LIPC: variants seen among roughly 807,000 people sequenced by gnomAD.
The protein encoded by LIPC is lipase C, hepatic type.
A neutral mutation model predicts 50.7 loss-of-function variants in LIPC; 44 were observed. The observed-to-expected ratio is 0.87, with a 90% CI of 0.68 to 1.11. LIPC has a LOEUF of 1.11. LIPC is among the 50% of genes most tolerant of loss of function. The probability of loss-of-function intolerance (pLI) is 0.00; values close to 1 mark genes in which losing one functional copy is unlikely to be tolerated. For synonymous variants in LIPC, 271 were observed against 256.4 expected (o/e 1.06, Z -0.54); for missense variants, 697 against 648.2 (o/e 1.08, Z -0.82).
intron 1 of LIPC, among the ~76,000 whole-genome samples, chr15:58,468,539 G>A (rs1409670319): frequency 5.9e-5 from 9 of 152,164 alleles, no homozygotes; most frequent in African/African-American, 2.2e-4. Flanking sequence ...CCGCCCACTC[G>A]AGATGGATGG....
At chr15:58,498,365 C>T (rs1307270528) in intron 1 of LIPC, among the ~76,000 whole-genome samples, 1 of 152,122 alleles carries the variant, frequency 6.6e-6, no homozygotes, top group East Asian at 1.9e-4. Flanking sequence ...TGGTCCGAGG[C>T]CCTCACTCTG....
chr15:58,560,283 G>A (rs1894113257), intron 6 of LIPC, among the ~76,000 whole-genome samples: 1 of 152,154 alleles, frequency 6.6e-6, no homozygotes, highest in Non-Finnish European at 1.5e-5. Flanking sequence ...CCAAGTTCTA[G>A]AACTACAGTT....
chr15:58,453,866 C>CA (rs398043355), intron 1 of LIPC, among the ~76,000 whole-genome samples: 17,175 of 120,768 alleles, frequency 0.14, 1,141 homozygotes, highest in Non-Finnish European at 0.19. Flanking sequence ...GACCCTGTCT[C>CA]AAAAAAAAAA....
intron 1 of LIPC, among the ~76,000 whole-genome samples, chr15:58,442,692 A>G (rs1893547344): frequency 1.3e-5 from 2 of 152,230 alleles, no homozygotes; most frequent in Non-Finnish European, 2.9e-5. Context: ...CAGATGGGGA[A>G]ATTGTGGCTC....
At chr15:58,475,844 C>A (rs568778006) in intron 1 of LIPC, among the ~76,000 whole-genome samples, 2 of 152,204 alleles carry the variant, frequency 1.3e-5, no homozygotes, top group Non-Finnish European at 2.9e-5. Context: ...ATTCCATTAA[C>A]AATAAGCACC....
chr15:58,549,159 G>T (rs1308309419), intron 6 of LIPC, among the ~76,000 whole-genome samples: 1 of 152,190 alleles, frequency 6.6e-6, no homozygotes, highest in Non-Finnish European at 1.5e-5. Flanking sequence ...GAAGATTGTA[G>T]AAAGGGCTGT....
intron 1 of LIPC, among the ~76,000 whole-genome samples, chr15:58,508,458 A>G (rs1339647882): frequency 2.0e-5 from 3 of 152,180 alleles, no homozygotes; most frequent in Non-Finnish European, 2.9e-5. Context: ...CGCTGTGGTC[A>G]TTTTGGAGGT....
chr15:58,444,853 G>C (rs560744640), intron 1 of LIPC, among the ~76,000 whole-genome samples: 2 of 152,350 alleles, frequency 1.3e-5, no homozygotes, highest in Admixed American at 1.3e-4. Flanking sequence ...GCTGTGACCC[G>C]GGTCCTGGGC....
At chr15:58,536,097 T>A (rs891542306) in intron 1 of LIPC, among the ~76,000 whole-genome samples, 3 of 152,084 alleles carry the variant, frequency 2.0e-5, no homozygotes. Flanking sequence ...AGGGCAAGTG[T>A]ATTAGGATCA....
In LIPC at chr15:58,560,894, T is replaced by G; in HGVS notation, c.1082T>G (p.Ile361Ser). 7.0e-7 allele frequency: 1 copy of G among 1,426,038 alleles called. No individual in the cohort carries two copies. 88.3% of individuals were successfully genotyped at this position (1,426,038 alleles called of 1,614,324 possible). The stretch of plus-strand genomic sequence containing the variant: ...CATTACCAGTTCAAGATCCAGTTCA[T>G]CAACCAAACTGAGACACCAATACAA... ...VYHYQFKIQFINQTETPIQTT... is the reference protein window; with the variant it reads ...VYHYQFKIQFSNQTETPIQTT... Residue 361 changes from isoleucine to serine, a missense_variant, in exon 7 of 9, where the codon ATC becomes AGC. Transcript: ENST00000299022.
At chr15:58,547,649 G>T (rs1427906402) in intron 5 of LIPC, among the ~76,000 whole-genome samples, 1 of 145,580 alleles carries the variant, frequency 6.9e-6, no homozygotes, top group African/African-American at 2.6e-5. Context: ...AAAAAAAAAA[G>T]GTCAAATCCT....
intron 1 of LIPC, among the ~76,000 whole-genome samples, chr15:58,473,281 A>G (rs548256908): frequency 1.3e-5 from 2 of 152,306 alleles, no homozygotes; most frequent in East Asian, 1.9e-4. Flanking sequence ...GGAATCAGTG[A>G]TGAGCCCCAG....
chr15:58,542,621 G>A lies in LIPC; in HGVS notation c.544G>A (p.Gly182Ser), dbSNP rs188353743. 4.6e-5 allele frequency: 74 copies of A among 1,613,288 alleles called. No individual in the cohort carries two copies. Among genetic ancestry groups the A allele is most frequent in the East Asian group, 2.2e-4 (10 of 44,864 alleles). ...HVSGFAGSSI[G>S]GTHKIGRITG... ...GTCAGGATTTGCCGGCAGTTCCATC[G>A]GTGGAACGCACAAGATTGGGAGAAT... Residue 182 changes from glycine to serine, a missense_variant, in exon 4 of 9, where the codon GGT (glycine) becomes AGT (serine). Physicochemically the swap from Gly to Ser is moderately conservative, Grantham distance 56 (BLOSUM62 0). Transcript: ENST00000299022.
At chr15:58,462,266 GTGGATGC>G (rs1894380757) in intron 1 of LIPC, among the ~76,000 whole-genome samples, 1 of 152,208 alleles carries the variant, frequency 6.6e-6, no homozygotes, top group Non-Finnish European at 1.5e-5. Context: ...ATGGCATATA[GTGGATGC>G]TGGAGAAATG....
intron 1 of LIPC, among the ~76,000 whole-genome samples, chr15:58,503,221 G>A (rs1353742379): frequency 6.6e-6 from 1 of 152,188 alleles, no homozygotes; most frequent in African/African-American, 2.4e-5. Context: ...GAGTCACACA[G>A]CCTCTTAAGT....
At chr15:58,562,808 C>T (rs1187749240) in intron 7 of LIPC, among the ~76,000 whole-genome samples, 1 of 151,338 alleles carries the variant, frequency 6.6e-6, no homozygotes, top group Non-Finnish European at 1.5e-5. Flanking sequence ...ACAAGGGACC[C>T]CCCCCCAACC....
At chr15:58,502,246 C>T (rs947357986) in intron 1 of LIPC, among the ~76,000 whole-genome samples, 19 of 152,228 alleles carry the variant, frequency 1.2e-4, no homozygotes, top group Admixed American at 5.9e-4. Context: ...CCTTTCTTTC[C>T]TTCCACACAA....
chr15:58,478,484 C>T (rs974586895), intron 1 of LIPC, among the ~76,000 whole-genome samples: 11 of 152,156 alleles, frequency 7.2e-5, no homozygotes, highest in Non-Finnish European at 1.6e-4. Flanking sequence ...AGTGATCCAC[C>T]GATCTTGGCC....
intron 2 of LIPC, 103 bp downstream of exon 2, chr15:58,538,620 A>G: frequency 3.6e-6 from 4 of 1,096,908 alleles, no homozygotes; most frequent in Non-Finnish European, 5.6e-6. Context: ...GGTGATAACA[A>G]CTCCATGCAT....
Sources: gnomAD v4.1 joint callset for allele counts (sites outside exome capture counted in the v4.1 genomes callset) on GRCh38, gnomAD v4.1.1 for gene constraint, MANE v1.5 for transcripts, NCBI Gene and HGNC (gene_info 2026-07-23, HGNC 2026-07-21) for gene names.